The following SMG6 variants were observed in gnomAD, a reference collection of about 807,000 sequenced individuals.
SMG6 encodes the protein telomerase-binding protein EST1A.
Under a neutral mutation model 142.2 loss-of-function variants are expected in SMG6, and 66 were observed. The ratio of observed to expected loss-of-function variants is 0.46; its 90% CI spans 0.38 to 0.57. SMG6 has a LOEUF of 0.57. SMG6 is among the 20% of genes least tolerant of loss of function. The pLI is 0.00. For synonymous variants in SMG6, 779 were observed against 702.4 expected (o/e 1.11, Z -1.72); for missense variants, 1,793 against 1,832.0 (o/e 0.98, Z 0.39).
intron 13 of SMG6, among the ~76,000 whole-genome samples, chr17:2,090,965 G>A (rs762099745): frequency 7.2e-5 from 11 of 152,190 alleles, no homozygotes; most frequent in Non-Finnish European, 1.5e-4. Flanking sequence ...GTAAAATACA[G>A]GCTGCTTGGC....
At chr17:2,230,147 C>T (rs2073430737) in intron 10 of SMG6, among the ~76,000 whole-genome samples, 1 of 128,464 alleles carries the variant, frequency 7.8e-6, no homozygotes, top group Non-Finnish European at 1.6e-5. Context: ...GATCGTGCCA[C>T]TGCACTCCAG....
chr17:2,147,139 T>C (rs569180552), intron 13 of SMG6, among the ~76,000 whole-genome samples: 1 of 152,276 alleles, frequency 6.6e-6, no homozygotes, highest in East Asian at 1.9e-4. Context: ...ACACCTGTAA[T>C]CCCAGAACTT....
At chr17:2,210,291 T>C (rs532385676) in intron 10 of SMG6, among the ~76,000 whole-genome samples, 31 of 151,612 alleles carry the variant, frequency 2.0e-4, no homozygotes, top group Admixed American at 3.9e-4. Context: ...CTTTTCTTTT[T>C]TTTTTTTTTT....
intron 13 of SMG6, among the ~76,000 whole-genome samples, chr17:2,160,874 AATAT>A (rs1364979040): frequency 6.6e-6 from 1 of 151,956 alleles, no homozygotes; most frequent in African/African-American, 2.4e-5. Flanking sequence ...ATGAAGTAAA[AATAT>A]ATATTCTTTT....
At chr17:2,286,184 A>G (rs2074900533) in intron 6 of SMG6, among the ~76,000 whole-genome samples, 1 of 152,038 alleles carries the variant, frequency 6.6e-6, no homozygotes, top group African/African-American at 2.4e-5. Context: ...TATTTTGAAG[A>G]TGGCAATACT....
intron 13 of SMG6, among the ~76,000 whole-genome samples, chr17:2,113,220 G>A (rs2069394302): frequency 6.6e-6 from 1 of 151,882 alleles, no homozygotes; most frequent in Non-Finnish European, 1.5e-5. Context: ...AGCATTGCAG[G>A]CGTGTGCCAC....
chr17:2,221,139 ACTCCAGG>A (rs1220903102), intron 10 of SMG6, among the ~76,000 whole-genome samples: 1 of 152,136 alleles, frequency 6.6e-6, no homozygotes, highest in Non-Finnish European at 1.5e-5. Context: ...AATGATATTT[ACTCCAGG>A]GTTAAGAGCT....
intron 8 of SMG6, among the ~76,000 whole-genome samples, chr17:2,268,341 T>G (rs936741059): frequency 5.9e-5 from 9 of 152,198 alleles, no homozygotes; most frequent in African/African-American, 2.2e-4. Context: ...TATAAAACCA[T>G]GCTCTGATCT....
intron 13 of SMG6, among the ~76,000 whole-genome samples, chr17:2,138,995 G>A (rs2070388956): frequency 6.6e-6 from 1 of 152,170 alleles, no homozygotes; most frequent in Non-Finnish European, 1.5e-5. Context: ...CCAAACTGCT[G>A]GAGATGTGTA....
intron 12 of SMG6, among the ~76,000 whole-genome samples, chr17:2,180,140 C>T (rs567315481): frequency 4.6e-5 from 7 of 152,340 alleles, no homozygotes; most frequent in Non-Finnish European, 7.3e-5. Flanking sequence ...CTCTCCAGCA[C>T]GACTTTCCTT....
At chr17:2,243,704 C>A (rs901550434) in intron 9 of SMG6, among the ~76,000 whole-genome samples, 6 of 152,144 alleles carry the variant, frequency 3.9e-5, no homozygotes, top group Non-Finnish European at 8.8e-5. Flanking sequence ...TAGAGAATTA[C>A]AGATAAACTT....
chr17:2,175,188 T>C (rs1020994468), intron 12 of SMG6, among the ~76,000 whole-genome samples: 1 of 152,198 alleles, frequency 6.6e-6, no homozygotes, highest in African/African-American at 2.4e-5. Flanking sequence ...CAACAGGCAC[T>C]GCTCGGCTGC....
intron 13 of SMG6, among the ~76,000 whole-genome samples, chr17:2,145,280 A>ATT (rs113435292): frequency 2.2e-5 from 3 of 136,126 alleles, no homozygotes; most frequent in East Asian, 2.1e-4. Flanking sequence ...CACCCAGCTA[A>ATT]TTTTTTTTTT....
intron 13 of SMG6, among the ~76,000 whole-genome samples, chr17:2,116,133 T>C (rs1466866412): frequency 6.6e-6 from 1 of 152,292 alleles, no homozygotes; most frequent in Non-Finnish European, 1.5e-5. Context: ...TGCAGTGGCA[T>C]GATCTTGGCT....
chr17:2,137,314 G>A (rs1197295129), intron 13 of SMG6, among the ~76,000 whole-genome samples: 4 of 152,162 alleles, frequency 2.6e-5, no homozygotes, highest in Non-Finnish European at 5.9e-5. Context: ...GTGATATACG[G>A]AGAAATGTTT....
At chr17:2,193,886 A>C (rs2072239020) in intron 10 of SMG6, among the ~76,000 whole-genome samples, 1 of 152,230 alleles carries the variant, frequency 6.6e-6, no homozygotes, top group Admixed American at 6.5e-5. Flanking sequence ...GGAGTGGTGC[A>C]GTGGTACAAC....
intron 13 of SMG6, among the ~76,000 whole-genome samples, chr17:2,098,033 G>C (rs373411442): frequency 6.6e-6 from 1 of 152,088 alleles, no homozygotes; most frequent in Non-Finnish European, 1.5e-5. Flanking sequence ...CTGTCCCTCA[G>C]GCTGGAGTAC....
In SMG6 at chr17:2,068,874, A is replaced by G; in HGVS notation, c.3739T>C (p.Phe1247Leu). The change falls in exon 16 of 19, where the codon TTC becomes CTC. Residue 1247 changes from phenylalanine (F) to leucine (L), a missense_variant. Phe to Leu is a conservative substitution (Grantham distance 22). Around this residue, in one of 3 missense-constraint regions of SMG6, gnomAD observed 17 missense variants for 34.7 expected, o/e 0.49. Coordinates refer to ENST00000263073, the MANE Select transcript of SMG6 (RefSeq NM_017575.5). The surrounding 1 kb of genome is among the most constrained non-coding windows in gnomAD (Gnocchi z 6.7). Reference sequence around the variant, plus strand: ...AAGCCGTTGGTGTCTGGTACGAGGAACAAAGGTCTGATTTCGAGCTCCATC... The same window carrying G: ...AAGCCGTTGGTGTCTGGTACGAGGAGCAAAGGTCTGATTTCGAGCTCCATC... ...RQMELEIRPL[F>L]LVPDTNGFID... 6.2e-7 allele frequency: 1 copy of G among 1,614,226 alleles called. No homozygotes were observed. The highest frequency in any genetic ancestry group is 8.5e-7 in the Non-Finnish European group (1 of 1,180,032).
intron 1 of SMG6, chr17:2,302,873 T>A (rs1460882929): frequency 1.4e-6 from 1 of 736,078 alleles, no homozygotes; most frequent in East Asian, 1.3e-4. Context: ...AAAATAGCCT[T>A]AATAATCCAA....
Sources: allele counts gnomAD v4.1 joint callset (sites outside exome capture counted in the v4.1 genomes callset), GRCh38; gene constraint gnomAD v4.1.1; regional missense constraint gnomAD v4.1.1; non-coding constraint Gnocchi (gnomAD v3.1); transcripts MANE v1.5; gene names NCBI Gene and HGNC (gene_info 2026-07-23, HGNC 2026-07-21).